Variants in TGFBR3 observed in about 807,000 individuals in gnomAD.
TGFBR3 encodes transforming growth factor beta receptor 3.
In TGFBR3, 46 loss-of-function variants were observed where a neutral mutation model predicts 87.9. The observed-to-expected ratio is 0.52, with a 90% CI of 0.41 to 0.67. The LOEUF (loss-of-function observed/expected upper bound fraction) is 0.67. TGFBR3 is among the 30% of genes least tolerant of loss of function. The pLI, the probability that TGFBR3 is intolerant of heterozygous loss-of-function variation, is 0.00. For synonymous variants in TGFBR3, 381 were observed against 391.6 expected (o/e 0.97, Z 0.32); for missense variants, 866 against 1,041.9 (o/e 0.83, Z 2.32).
At chr1:91,846,361 T>C (rs557067776) in intron 2 of TGFBR3, among the ~76,000 whole-genome samples, 47 of 152,328 alleles carry the variant, frequency 3.1e-4, no homozygotes, top group South Asian at 2.1e-4. Flanking sequence ...CTAGAGCTAA[T>C]TAAGCTTGGC....
chr1:91,904,377 G>C lies in TGFBR3; in HGVS notation c.-175+1449C>G, dbSNP rs545237016. 2.7e-4 allele frequency among the ~76,000 whole-genome samples: 40 copies of C among 146,840 alleles called. 1 individual carries two copies. The highest frequency in any genetic ancestry group is 1.0e-3 in the African/African-American group (40 of 39,620). ...TGTCAGTTGTCTTTCTAATTTCAAA[G>C]CCCATGCTTGAGCACATTACTAAAC... On this transcript the variant is annotated intron_variant, in intron 1 of 17. Transcript: ENST00000370399.
chr1:91,879,877 C>G (rs894812969), intron 1 of TGFBR3, among the ~76,000 whole-genome samples: 1 of 151,968 alleles, frequency 6.6e-6, no homozygotes, highest in African/African-American at 2.4e-5. Flanking sequence ...CTGGACAGAG[C>G]CCAGGAAATG....
chr1:91,785,128 T>C (rs1042816586), intron 3 of TGFBR3, among the ~76,000 whole-genome samples: 1 of 152,192 alleles, frequency 6.6e-6, no homozygotes, highest in African/African-American at 2.4e-5. Context: ...AGCCACACAA[T>C]GAAAACTACC....
chr1:91,860,485 T>C (rs1458181908), intron 2 of TGFBR3, among the ~76,000 whole-genome samples: 3 of 152,140 alleles, frequency 2.0e-5, no homozygotes, highest in Non-Finnish European at 4.4e-5. Context: ...GAAATTATAA[T>C]AAAATAGAGC....
rs1670944682 is a variant in TGFBR3, at chr1:91,682,495, A to G, written c.*1244T>C. The stretch of plus-strand genomic sequence containing the variant: ...CATATTATTCCATTTAATGAAATTC[A>G]CCTCAAGCCCTTTTTGACATATTAA... On this transcript the variant is annotated 3_prime_UTR_variant, in exon 17 of 17. Transcript: ENST00000212355. 4.5e-6 allele frequency: 2 copies of G among 448,306 alleles called. No homozygotes were observed. The highest frequency in any genetic ancestry group is 4.2e-5 in the African/African-American group (2 of 47,870). The allele number at this position is 448,306 out of a possible 1,614,324, so 27.8% of individuals were successfully genotyped here.
intron 10 of TGFBR3, 136 bp from the exon 11 acceptor site, chr1:91,716,844 A>G: frequency 9.0e-7 from 1 of 1,108,824 alleles, no homozygotes; most frequent in Non-Finnish European, 1.4e-6. Context: ...TAATAAAATA[A>G]CATCCAGGCT....
chr1:91,758,668 AG>A lies in TGFBR3; in HGVS notation c.328del (p.Leu110TrpfsTer5). On this transcript the variant is annotated frameshift_variant, in exon 4 of 17. Transcript: ENST00000212355. LOFTEE classifies it high-confidence loss of function. Reference protein sequence around the residue: ...VVFLLNSPHPLVWHLKTERLA... With the variant: ...VVFLLNSPHPXVWHLKTERLA... Reference sequence around the variant, plus strand: ...TCTCTCTGTCTTCAGATGCCACACCAGGGGGTGTGGGGAGTTGAGCAGGAAC... The same window carrying A: ...TCTCTCTGTCTTCAGATGCCACACCAGGGGTGTGGGGAGTTGAGCAGGAAC... 1.2e-6 allele frequency: 2 copies of A among 1,613,754 alleles called. No homozygotes were observed. The highest frequency in any genetic ancestry group is 1.7e-6 in the Non-Finnish European group (2 of 1,179,714).
upstream of TGFBR3, among the ~76,000 whole-genome samples, chr1:91,889,402 C>T (rs1419318715): frequency 2.0e-5 from 3 of 152,168 alleles, no homozygotes; most frequent in Non-Finnish European, 4.4e-5. Context: ...TACCTGTCAT[C>T]AGAAGCTTTA....
rs1464271282 is a variant in TGFBR3, at chr1:91,681,562, A to G, written c.*2177T>C. ...GTCCTTCTAAGACATCAATCTTTTA[A>G]TATCTCCTAATAGCTAATTTTCTTT... is the stretch of plus-strand genomic sequence containing the variant. On this transcript the variant is annotated 3_prime_UTR_variant, in exon 17 of 17. Transcript: ENST00000212355. 2.6e-6 allele frequency: 1 copy of G among 380,250 alleles called. No homozygotes were observed. The highest frequency in any genetic ancestry group is 7.9e-5 in the East Asian group (1 of 12,650). 23.6% of individuals were successfully genotyped at this position (380,250 alleles called of 1,614,324 possible).
chr1:91,703,517 G>A (rs376274054), intron 14 of TGFBR3, among the ~76,000 whole-genome samples: 7 of 152,032 alleles, frequency 4.6e-5, no homozygotes, highest in Admixed American at 1.3e-4. Context: ...TGTAAATCAC[G>A]GCAAATTTTG....
chr1:91,689,535 A>T lies in TGFBR3; in HGVS notation c.2438-5678T>A, dbSNP rs374319380. Among the ~76,000 whole-genome samples, 10 of 152,356 alleles carry T rather than the reference A, an allele frequency of 6.6e-5. No homozygotes were observed. The East Asian group carries it at 1.2e-3, about 18-fold the overall frequency. On this transcript the variant is annotated intron_variant, in intron 16 of 16. Transcript: ENST00000212355. ...AATACATGAGTGAACAAACCAAAAA[A>T]ATTTAGCTGACACTAAACAGAGGCA...
intron 2 of TGFBR3, among the ~76,000 whole-genome samples, chr1:91,833,802 C>T (rs1472156704): frequency 1.3e-5 from 2 of 150,420 alleles, no homozygotes; most frequent in Non-Finnish European, 3.0e-5. Flanking sequence ...AGGAAGAAAA[C>T]CCTGAATCAA....
intron 1 of TGFBR3, among the ~76,000 whole-genome samples, chr1:91,863,540 T>C (rs1481019436): frequency 1.3e-5 from 2 of 152,230 alleles, no homozygotes; most frequent in African/African-American, 2.4e-5. Context: ...ACAATTACTG[T>C]ACTGTATCAC....
chr1:91,756,859 T>C (rs546440382), intron 4 of TGFBR3, among the ~76,000 whole-genome samples: 5 of 152,336 alleles, frequency 3.3e-5, no homozygotes, highest in African/African-American at 1.2e-4. Context: ...TTCTTCTCTA[T>C]ACAACATGTT....
chr1:91,761,464 CA>C (rs1571483331), intron 3 of TGFBR3, among the ~76,000 whole-genome samples: 2 of 152,092 alleles, frequency 1.3e-5, no homozygotes, highest in Admixed American at 1.3e-4. Flanking sequence ...AGCCATTTGG[CA>C]AAGAAGAATT....
Position 91,881,571 on chromosome 1 carries a change from G to A in TGFBR3, c.-114+4307C>T, listed in dbSNP as rs190865883. Among the ~76,000 whole-genome samples, 41 of 152,192 alleles carry A rather than the reference G, an allele frequency of 2.7e-4. No homozygotes were observed. In the East Asian group the frequency reaches 6.8e-3, roughly 25 times the overall value. On this transcript the variant is annotated intron_variant, in intron 1 of 16. Coordinates refer to ENST00000212355, the MANE Select transcript of TGFBR3 (RefSeq NM_003243.5). ...GTTATAAGTGTTTGTTGAATTACTC[G>A]AGTAAACTAGAGCAAAGCATAGAAG... is the stretch of plus-strand genomic sequence containing the variant.
chr1:91,847,386 C>T (rs1056496624), intron 2 of TGFBR3, among the ~76,000 whole-genome samples: 3 of 151,900 alleles, frequency 2.0e-5, no homozygotes, highest in African/African-American at 4.8e-5. Flanking sequence ...GGCAGATCAC[C>T]TGAGGTTGGG....
intron 3 of TGFBR3, among the ~76,000 whole-genome samples, chr1:91,758,992 T>A (rs1673852950): frequency 6.6e-6 from 1 of 152,216 alleles, no homozygotes; most frequent in African/African-American, 2.4e-5. Context: ...AACCAAAGCA[T>A]GATTTAGCTC....
chr1:91,880,618 TA>T (rs1679045621), intron 1 of TGFBR3, among the ~76,000 whole-genome samples: 1 of 151,592 alleles, frequency 6.6e-6, no homozygotes, highest in Non-Finnish European at 1.5e-5. Flanking sequence ...AAAATAAAAA[TA>T]AAAATATAAG....
Sources: gnomAD v4.1 joint callset for allele counts (sites outside exome capture counted in the v4.1 genomes callset) on GRCh38, gnomAD v4.1.1 for gene constraint, MANE v1.5 for transcripts, NCBI Gene and HGNC (gene_info 2026-07-23, HGNC 2026-07-21) for gene names.